The following DNM2 variants were observed in gnomAD, a reference collection of about 807,000 sequenced individuals.
DNM2 encodes the protein dynamin 2.
DNM2 carries 15 observed loss-of-function variants against 99.0 expected under a neutral mutation model. The observed-to-expected ratio is 0.15, with a 90% confidence interval of 0.10 to 0.23. DNM2 has a LOEUF of 0.23. DNM2 is among the 10% of genes least tolerant of loss of function. The pLI, the probability that DNM2 is intolerant of heterozygous loss-of-function variation, is 1.00. For missense variants in DNM2, 742 were observed against 1,189.4 expected (o/e 0.62, Z 5.53); for synonymous variants, 525 against 481.2 (o/e 1.09, Z -1.19).
rs1483713617 is a variant in DNM2 at position 10,797,336 on chromosome 19, C to T, written c.1197-44C>T. ...GTCCTGCGTGTGTGGCCTGCACTGT[C>T]CCTGGGTGTCTTTCTGCCTCATCCT... On this transcript the variant is annotated intron_variant, in intron 9 of 20. Transcript: ENST00000389253. 15 of 1,608,646 alleles carry T rather than the reference C, an allele frequency of 9.3e-6. No homozygotes were observed. The South Asian group carries it at 1.5e-4, about 17-fold the overall frequency.
At chr19:10,757,218 G>T (rs1391221058) in intron 1 of DNM2, among the ~76,000 whole-genome samples, 1 of 152,216 alleles carries the variant, frequency 6.6e-6, no homozygotes, top group East Asian at 1.9e-4. Flanking sequence ...CTTTTCTCAT[G>T]CAGTCCAGGC....
At chr19:10,720,700 A>G (rs1406895922) in intron 1 of DNM2, among the ~76,000 whole-genome samples, 1 of 152,122 alleles carries the variant, frequency 6.6e-6, no homozygotes, top group Non-Finnish European at 1.5e-5. Flanking sequence ...ATTACCCTCC[A>G]GCCTGGGTGA....
At position 10,772,745 on chromosome 19, in the gene DNM2, G is replaced by A. The variant is rs1172733841; in HGVS notation, c.385+117G>A. ...ATCATGTGCCCATTCACAAACAGTT[G>A]ATATTCACACACACATAGCCCCTTG... On this transcript the variant is annotated intron_variant, in intron 3 of 20. Coordinates refer to ENST00000389253, the MANE Select transcript of DNM2 (RefSeq NM_001005361.3). The surrounding 1 kb of genome is among the most constrained non-coding windows in gnomAD (Gnocchi z 4.9). 33 of 1,463,462 alleles carry A rather than the reference G, an allele frequency of 2.3e-5. No individual in the cohort carries two copies. The highest frequency in any genetic ancestry group is 3.0e-5 in the Non-Finnish European group (32 of 1,070,364). 90.7% of individuals were successfully genotyped at this position (1,463,462 alleles called of 1,614,324 possible). A position where few individuals can be genotyped will look rare whatever the true frequency, so the allele number is the denominator to read the frequency against.
chr19:10,746,247 T>C (rs899221069), intron 1 of DNM2, among the ~76,000 whole-genome samples: 12 of 150,666 alleles, frequency 8.0e-5, no homozygotes, highest in African/African-American at 2.9e-4. Context: ...AGGTGTGAGC[T>C]ACCACGCCCG....
chr19:10,751,004 CTG>C (rs141091285), intron 1 of DNM2, among the ~76,000 whole-genome samples: 3,117 of 152,050 alleles, frequency 0.02, 87 homozygotes, highest in African/African-American at 0.071. Context: ...CCTTGGGGAG[CTG>C]TGTGTGAGCT....
chr19:10,831,320 C>T lies in DNM2; in HGVS notation c.*273C>T. The T allele has an allele frequency of 8.0e-7, 1 of 1,242,706 alleles. No homozygotes were observed. The highest frequency in any genetic ancestry group is 2.6e-5 in the South Asian group (1 of 37,876). The allele number at this position is 1,242,706 out of a possible 1,614,324, so 77.0% of individuals were successfully genotyped here. On this transcript the variant is annotated 3_prime_UTR_variant, in exon 21 of 21. Transcript: ENST00000389253. This position sits in a 1 kb window ranked among gnomAD's most constrained non-coding sequence, Gnocchi z 4.3. ...AGGGTGGCAGAGGGGGGACCAGAAC[C>T]CTTGACACCATCCTGAATGAGGGGT...
chr19:10,831,223 G>A lies in DNM2; in HGVS notation c.*176G>A, dbSNP rs1356644332. On this transcript the variant is annotated 3_prime_UTR_variant, in exon 21 of 21. Coordinates refer to ENST00000389253, the MANE Select transcript of DNM2 (RefSeq NM_001005361.3). This position sits in a 1 kb window ranked among gnomAD's most constrained non-coding sequence, Gnocchi z 4.3. ...CGGCCCCTGTGCCTGGCTGGACACCGCACTGCGCAAAGGGGCCCTGGAGCT... is the reference window on the plus strand; with the variant it reads ...CGGCCCCTGTGCCTGGCTGGACACCACACTGCGCAAAGGGGCCCTGGAGCT... 1.3e-4 allele frequency: 180 copies of A among 1,383,428 alleles called. 1 individual carries two copies. Among genetic ancestry groups the A allele is most frequent in the Non-Finnish European group, 1.5e-4 (164 of 1,073,258 alleles). The allele number at this position is 1,383,428 out of a possible 1,614,324, so 85.7% of individuals were successfully genotyped here. A position where few individuals can be genotyped will look rare whatever the true frequency, so the allele number is the denominator to read the frequency against.
At chr19:10,728,372 A>T (rs2069180811) in intron 1 of DNM2, among the ~76,000 whole-genome samples, 1 of 152,130 alleles carries the variant, frequency 6.6e-6, no homozygotes, top group Non-Finnish European at 1.5e-5. Context: ...TTGGAGCTTG[A>T]ACTGGATGTG....
chr19:10,798,378 C>A, intron 10 of DNM2, 108 bp from the exon 11 acceptor site: 6 of 721,106 alleles, frequency 8.3e-6, no homozygotes, highest in South Asian at 3.7e-5. Flanking sequence ...GGTGGGCCCC[C>A]TCATATCTCA....
chr19:10,802,239 C>G (rs570083874), intron 11 of DNM2, 49 bp from the exon 12 acceptor site: 14 of 1,604,000 alleles, frequency 8.7e-6, no homozygotes, highest in Non-Finnish European at 1.2e-5. Context: ...CGCTGCCCCC[C>G]CTTGCCAGGC....
rs1371435215 is a variant in DNM2, at chr19:10,817,491, G to C, written c.1672-2489G>C. 2 of 465,554 alleles carry C rather than the reference G, an allele frequency of 4.3e-6. No homozygotes were observed. The highest frequency in any genetic ancestry group is 1.6e-5 in the South Asian group (1 of 63,766). The allele number at this position is 465,554 out of a possible 1,614,324, so 28.8% of individuals were successfully genotyped here. On this transcript the variant is annotated intron_variant, in intron 15 of 20. Coordinates refer to ENST00000389253, the MANE Select transcript of DNM2 (RefSeq NM_001005361.3). This position sits in a 1 kb window ranked among gnomAD's most constrained non-coding sequence, Gnocchi z 4.6. The stretch of plus-strand genomic sequence containing the variant: ...CCTGAACAGGTAGTCTGAACACTGG[G>C]TTGGCGGGGCCGGCTATCCATCCTG...
At chr19:10,722,967 CCTTT>C (rs2068987597) in intron 1 of DNM2, among the ~76,000 whole-genome samples, 1 of 151,496 alleles carries the variant, frequency 6.6e-6, no homozygotes, top group Admixed American at 6.6e-5. Flanking sequence ...CACTTCTTTC[CCTTT>C]CTTTTTTTTT....
intron 1 of DNM2, among the ~76,000 whole-genome samples, chr19:10,742,996 C>T (rs1390357379): frequency 6.6e-6 from 1 of 151,174 alleles, no homozygotes; most frequent in African/African-American, 2.4e-5. Flanking sequence ...TGACTGCAGC[C>T]TCAACCTCCT....
intron 18 of DNM2, among the ~76,000 whole-genome samples, chr19:10,825,561 C>G (rs2073115993): frequency 6.6e-6 from 1 of 152,098 alleles, no homozygotes; most frequent in East Asian, 1.9e-4. Flanking sequence ...CCCAGCTACT[C>G]AGGAGGCTGA....
intron 7 of DNM2, 41 bp downstream of exon 7, chr19:10,786,747 C>A (rs757433853): frequency 1.4e-5 from 23 of 1,612,922 alleles, no homozygotes; most frequent in Non-Finnish European, 1.7e-5. Context: ...ACCCTGGCCC[C>A]TGCCTTCCAT....
chr19:10,748,120 C>T (rs2070060166), intron 1 of DNM2, among the ~76,000 whole-genome samples: 1 of 152,116 alleles, frequency 6.6e-6, no homozygotes, highest in Admixed American at 6.6e-5. Flanking sequence ...AAAAGTCTGG[C>T]TTTTATTCCA....
At chr19:10,722,385 G>A (rs2068967542) in intron 1 of DNM2, among the ~76,000 whole-genome samples, 1 of 152,136 alleles carries the variant, frequency 6.6e-6, no homozygotes, top group African/African-American at 2.4e-5. Flanking sequence ...AGAAAGGAGG[G>A]CATCACTCCC....
intron 5 of DNM2, among the ~76,000 whole-genome samples, chr19:10,780,518 G>A (rs1460292187): frequency 2.6e-5 from 4 of 152,096 alleles, no homozygotes; most frequent in Admixed American, 2.6e-4. Flanking sequence ...GAACGAAGGC[G>A]CTTCCACTCT....
rs971843788 is a variant in DNM2, at chr19:10,830,855, G to A, written c.2544-123G>A. 2 of 1,243,200 alleles carry A rather than the reference G, an allele frequency of 1.6e-6. No homozygotes were observed. Among genetic ancestry groups the A allele is most frequent in the South Asian group, 1.6e-5 (1 of 63,094 alleles). 77.0% of individuals were successfully genotyped at this position (1,243,200 alleles called of 1,614,324 possible). ...CCCGACACCCTGGTGGCTTGCGGAG[G>A]TCAGCCTGGGAACACCCTGGGGTGG... On this transcript the variant is annotated intron_variant, in intron 20 of 20. Transcript: ENST00000389253. This position sits in a 1 kb window ranked among gnomAD's most constrained non-coding sequence, Gnocchi z 4.8.
Sources: allele counts gnomAD v4.1 joint callset (sites outside exome capture counted in the v4.1 genomes callset), GRCh38; gene constraint gnomAD v4.1.1; non-coding constraint Gnocchi (gnomAD v3.1); transcripts MANE v1.5; gene names NCBI Gene and HGNC (gene_info 2026-07-23, HGNC 2026-07-21).